The following ICA1 variants were observed in gnomAD, a reference collection of about 807,000 sequenced individuals.
ICA1 encodes the protein 69 kDa islet cell autoantigen.
A neutral mutation model predicts 71.0 loss-of-function variants in ICA1; 40 were observed. The observed-to-expected ratio is 0.56, with a 90% CI of 0.44 to 0.73. The LOEUF (loss-of-function observed/expected upper bound fraction) is 0.73, where lower values mean the gene tolerates loss of function less well. Among genes scored for constraint, ICA1 ranks in the 30% least tolerant of loss-of-function variants. ICA1 has a pLI of 0.00. For missense variants in ICA1, 578 were observed against 576.5 expected (o/e 1.00, Z -0.03); for synonymous variants, 207 against 209.5 (o/e 0.99, Z 0.10).
chr7:8,160,472 A>G (rs1803342792), intron 6 of ICA1, among the ~76,000 whole-genome samples: 1 of 152,208 alleles, frequency 6.6e-6, no homozygotes, highest in Admixed American at 6.5e-5. Flanking sequence ...CTCCAAAGCC[A>G]TGCTATTCTG....
rs78312538 is a variant in ICA1 at position 8,191,445 on chromosome 7, T to C, written c.579+26860A>G. ...CTGTTTTTCATTGTCAGTACAGTGT[T>C]CAATAAATTACTGTGAAATATTAAG... On this transcript the variant is annotated intron_variant, in intron 6 of 13. Coordinates refer to ENST00000402384, the MANE Select transcript of ICA1 (RefSeq NM_001136020.3). Among the ~76,000 whole-genome samples the C allele has an allele frequency of 4.3e-3, 661 of 152,344 alleles. 18 individuals are homozygous for C. In the East Asian group the frequency reaches 0.086, roughly 20 times the overall value.
chr7:8,260,789 A>C (rs1812042229), intron 1 of ICA1, among the ~76,000 whole-genome samples: 1 of 152,196 alleles, frequency 6.6e-6, no homozygotes, highest in Non-Finnish European at 1.5e-5. Context: ...ATTTTTAGAG[A>C]GTGTGTGTTT....
chr7:8,204,164 T>C (rs1790697904), intron 6 of ICA1, among the ~76,000 whole-genome samples: 1 of 152,320 alleles, frequency 6.6e-6, no homozygotes, highest in Non-Finnish European at 1.5e-5. Context: ...TGCTGGAAGA[T>C]GTGACTGCTA....
chr7:8,170,750 C>A (rs1808030639), intron 6 of ICA1, among the ~76,000 whole-genome samples: 1 of 151,972 alleles, frequency 6.6e-6, no homozygotes, highest in African/African-American at 2.4e-5. Flanking sequence ...CATGTGGATA[C>A]ATCTATGTAC....
At position 8,228,493 on chromosome 7, in the gene ICA1, CACAG is replaced by C. The variant is rs1283949734; in HGVS notation, c.256+104_256+107del. 7 of 573,906 alleles carry C rather than the reference CACAG, an allele frequency of 1.2e-5. No homozygotes were observed. In the South Asian group the frequency reaches 1.7e-4, roughly 14 times the overall value. The allele number at this position is 573,906 out of a possible 1,614,324, so 35.6% of individuals were successfully genotyped here. A position where few individuals can be genotyped will look rare whatever the true frequency, so the allele number is the denominator to read the frequency against. On this transcript the variant is annotated intron_variant, in intron 4 of 13. Transcript: ENST00000402384. ...AGACTCTCCTCCCAACGCCTGAAGA[CACAG>C]ACAAACACTCTTAGTTTCCTAAGCA... is the stretch of plus-strand genomic sequence containing the variant.
intron 6 of ICA1, among the ~76,000 whole-genome samples, chr7:8,195,697 C>T (rs149647006): frequency 0.014 from 2,166 of 151,986 alleles, 21 homozygotes; most frequent in Middle Eastern, 0.051. Flanking sequence ...TAAAAACATC[C>T]GGCCGGGCAC....
At chr7:8,205,613 G>A (rs182497258) in intron 6 of ICA1, among the ~76,000 whole-genome samples, 3 of 152,218 alleles carry the variant, frequency 2.0e-5, no homozygotes, top group Admixed American at 6.5e-5. Context: ...GAAGCCAGAG[G>A]GATATTAGTT....
chr7:8,179,184 G>A (rs1201341221), intron 6 of ICA1, among the ~76,000 whole-genome samples: 3 of 152,214 alleles, frequency 2.0e-5, no homozygotes, highest in African/African-American at 7.2e-5. Context: ...TTAGAGGACA[G>A]CCACCCCACC....
At chr7:8,240,530 A>G (rs993346926) in intron 1 of ICA1, among the ~76,000 whole-genome samples, 3 of 152,240 alleles carry the variant, frequency 2.0e-5, no homozygotes, top group African/African-American at 7.2e-5. Flanking sequence ...GCCCCTTGCC[A>G]GCAAAGGAAC....
intron 3 of ICA1, among the ~76,000 whole-genome samples, chr7:8,231,299 A>T (rs1800205764): frequency 6.6e-6 from 1 of 151,964 alleles, no homozygotes; most frequent in Non-Finnish European, 1.5e-5. Flanking sequence ...CGTGTGGGAG[A>T]GAGGAAATGC....
At chr7:8,253,786 C>T (rs1219788205) in intron 1 of ICA1, among the ~76,000 whole-genome samples, 1 of 151,950 alleles carries the variant, frequency 6.6e-6, no homozygotes, top group Admixed American at 6.6e-5. Context: ...TGAGGGTGGT[C>T]CTAGAACCAA....
intron 6 of ICA1, among the ~76,000 whole-genome samples, chr7:8,208,543 T>C (rs541606452): frequency 1.5e-3 from 221 of 152,338 alleles, no homozygotes; most frequent in African/African-American, 5.1e-3. Context: ...AATTACAACA[T>C]TTCATCTTGG....
intron 6 of ICA1, among the ~76,000 whole-genome samples, chr7:8,214,719 A>G (rs1038226623): frequency 8.5e-5 from 13 of 152,174 alleles, no homozygotes; most frequent in African/African-American, 3.1e-4. Flanking sequence ...TGTGCTTCAC[A>G]GGGTGCCAGA....
chr7:8,216,902 A>G (rs944547103), intron 6 of ICA1, among the ~76,000 whole-genome samples: 3 of 152,246 alleles, frequency 2.0e-5, no homozygotes, highest in African/African-American at 7.2e-5. Flanking sequence ...AACAGATACA[A>G]ATGATAAGCA....
At chr7:8,128,708 T>C (rs1790278766) in intron 12 of ICA1, among the ~76,000 whole-genome samples, 1 of 152,166 alleles carries the variant, frequency 6.6e-6, no homozygotes, top group Non-Finnish European at 1.5e-5. Context: ...TGAAACTCCA[T>C]TGCATGAAGC....
Position 8,241,841 on chromosome 7 carries a change from G to C in ICA1, c.-79-5836C>G, listed in dbSNP as rs539887799. 2.0e-5 allele frequency among the ~76,000 whole-genome samples: 3 copies of C among 152,186 alleles called. No homozygotes were observed. The East Asian group carries it at 5.8e-4, about 29-fold the overall frequency. ...AGAAGGCCATTACATAATGGTAAAG[G>C]GGTCAATTCGACAAGAAGAGTTAAC... On this transcript the variant is annotated intron_variant, in intron 1 of 13. Transcript: ENST00000402384.
At chr7:8,182,130 T>C (rs1396776014) in intron 6 of ICA1, among the ~76,000 whole-genome samples, 1 of 152,158 alleles carries the variant, frequency 6.6e-6, no homozygotes, top group Non-Finnish European at 1.5e-5. Context: ...TACCCTTTTT[T>C]TTCCCTTTTT....
chr7:8,157,726 G>C lies in ICA1; in HGVS notation c.706-512C>G, dbSNP rs1404435236. 4.9e-5 allele frequency: 7 copies of C among 141,944 alleles called. No individual in the cohort carries two copies. The Admixed American group carries it at 5.1e-4, about 10-fold the overall frequency. The allele number at this position is 141,944 out of a possible 1,614,324, so 8.8% of individuals were successfully genotyped here. A position where few individuals can be genotyped will look rare whatever the true frequency, so the allele number is the denominator to read the frequency against. On this transcript the variant is annotated intron_variant, in intron 7 of 13. Transcript: ENST00000402384. ...TTTTTTTTTTTTGAGATGGAGTCTT[G>C]CTCTGTCGCTCAGGCTGGAGTGCAG...
In ICA1 at chr7:8,128,061, T is replaced by A. The variant is rs1427749616; in HGVS notation, c.1142A>T (p.Asn381Ile). The part of the protein sequence containing the change: ...DDLLLLSEIF[N>I]ASSLEEGEFS... ...CTCGCCCTCTTCCAAGGAGGAAGCA[T>A]TGAAGATCTCACTCAACAGCAGCAG... Residue 381 changes from asparagine to isoleucine, a missense_variant, in exon 13 of 14, where the codon AAT becomes ATT. Coordinates refer to ENST00000402384, the MANE Select transcript of ICA1 (RefSeq NM_001136020.3). 1.9e-6 allele frequency: 3 copies of A among 1,614,070 alleles called. No individual in the cohort carries two copies. The highest frequency in any genetic ancestry group is 2.5e-6 in the Non-Finnish European group (3 of 1,180,036).
Sources: allele counts gnomAD v4.1 joint callset (sites outside exome capture counted in the v4.1 genomes callset), GRCh38; gene constraint gnomAD v4.1.1; transcripts MANE v1.5; gene names NCBI Gene and HGNC (gene_info 2026-07-23, HGNC 2026-07-21).